Variants in TBC1D4 observed in about 807,000 individuals in gnomAD.
TBC1D4 encodes TBC1 domain family member 4, also known as TBC (Tre-2, BUB2, CDC16) domain-containing protein.
Under a neutral mutation model 142.5 loss-of-function variants are expected in TBC1D4, and 121 were observed. That is an observed-to-expected ratio of 0.85 (90% CI 0.73 to 0.99). The LOEUF (loss-of-function observed/expected upper bound fraction) is 0.99. Ranked by LOEUF, TBC1D4 falls within the 50% of genes least tolerant of loss-of-function variation. The pLI is 0.00. For synonymous variants in TBC1D4, 630 were observed against 628.2 expected, an observed-to-expected ratio of 1.00 and a Z score of -0.04; for missense variants, 1,475 against 1,606.6, an observed-to-expected ratio of 0.92 and a Z score of 1.40.
At chr13:75,356,377 G>A in intron 3 of TBC1D4, 126 bp from the exon 4 acceptor site, 1 of 740,570 alleles carries the variant, frequency 1.4e-6, no homozygotes, top group Non-Finnish European at 2.4e-6. Context: ...CAGCAATGAA[G>A]GGGGGACATA....
intron 1 of TBC1D4, among the ~76,000 whole-genome samples, chr13:75,480,786 C>A (rs1321675121): frequency 6.6e-6 from 1 of 152,196 alleles, no homozygotes; most frequent in African/African-American, 2.4e-5. Context: ...CCAGCCAAAC[C>A]GGTTAAGGAT....
intron 13 of TBC1D4, among the ~76,000 whole-genome samples, chr13:75,311,381 A>C (rs1192609039): frequency 1.3e-5 from 2 of 152,276 alleles, no homozygotes; most frequent in South Asian, 4.2e-4. Context: ...GGCAGAGTTA[A>C]CTTCATCTTT....
intron 1 of TBC1D4, among the ~76,000 whole-genome samples, chr13:75,408,354 C>T (rs1354638491): frequency 1.3e-5 from 2 of 152,102 alleles, no homozygotes; most frequent in South Asian, 2.1e-4. Context: ...CCATTCATCA[C>T]GGATGGACAT....
intron 1 of TBC1D4, among the ~76,000 whole-genome samples, chr13:75,477,270 C>A (rs9600477): frequency 0.45 from 67,769 of 151,894 alleles, 17,399 homozygotes; most frequent in South Asian, 0.66. Context: ...TGAAAAATGA[C>A]CTTCTAAAAA....
chr13:75,426,811 G>A (rs1467215448), intron 1 of TBC1D4, among the ~76,000 whole-genome samples: 1 of 152,018 alleles, frequency 6.6e-6, no homozygotes, highest in Non-Finnish European at 1.5e-5. Flanking sequence ...GGAGGCTGAG[G>A]CAGGTAGATT....
rs188614923 is a variant in TBC1D4 at position 75,287,896 on chromosome 13, G to A, written c.3664-871C>T. Among the ~76,000 whole-genome samples the A allele has an allele frequency of 1.0e-3, 157 of 152,096 alleles. 2 individuals are homozygous for A. The East Asian group carries it at 0.011, about 11-fold the overall frequency. ...TGGAGAGGAGGAGTAAGTGGAAACC[G>A]AGGAGCCATTAGACACTGAAACTCC... On this transcript the variant is annotated intron_variant, in intron 20 of 20. Coordinates refer to ENST00000377636, the MANE Select transcript of TBC1D4 (RefSeq NM_014832.5).
chr13:75,439,720 T>C (rs781484848), intron 1 of TBC1D4, among the ~76,000 whole-genome samples: 1 of 151,946 alleles, frequency 6.6e-6, no homozygotes. Flanking sequence ...GTCTGGACAG[T>C]GAAACCCCGT....
rs1179536300 is a variant in TBC1D4 at position 75,481,659 on chromosome 13, G to C, written c.109C>G (p.Arg37Gly). 1 of 1,602,528 alleles carries C rather than the reference G, an allele frequency of 6.2e-7. No homozygotes were observed. Among genetic ancestry groups the C allele is most frequent in the Non-Finnish European group, 8.5e-7 (1 of 1,174,812 alleles). The change falls in exon 1 of 21, where the codon CGG (arginine) becomes GGG (glycine). Residue 37 changes from arginine (R) to glycine (G), a missense_variant. Around this residue, in one of 2 missense-constraint regions of TBC1D4, gnomAD observed 1,227 missense variants for 1,267.7 expected, o/e 0.97. Transcript: ENST00000377636. ...CACGACCCCCCAACGTACCACAGCCGGAACCGCTTATCGCTTGGCTTCCCG... is the reference window on the plus strand; with the variant it reads ...CACGACCCCCCAACGTACCACAGCCCGAACCGCTTATCGCTTGGCTTCCCG... ...GPGKPSDKRF[R>G]LWYVGGSCLD...
chr13:75,307,916 T>G (rs1877345309), intron 14 of TBC1D4, among the ~76,000 whole-genome samples: 1 of 152,186 alleles, frequency 6.6e-6, no homozygotes, highest in African/African-American at 2.4e-5. Context: ...ACAAATATAC[T>G]CCTATATATA....
chr13:75,466,164 A>G (rs1262718235), intron 1 of TBC1D4, among the ~76,000 whole-genome samples: 1 of 152,210 alleles, frequency 6.6e-6, no homozygotes, highest in Non-Finnish European at 1.5e-5. Context: ...TCTTTTCATC[A>G]ACACCTATTC....
intron 5 of TBC1D4, among the ~76,000 whole-genome samples, chr13:75,348,004 G>A (rs532817748): frequency 1.3e-5 from 2 of 152,150 alleles, no homozygotes; most frequent in Admixed American, 1.3e-4. Context: ...AGCTGGGTGT[G>A]GTGGCACACA....
chr13:75,306,453 T>C lies in TBC1D4; in HGVS notation c.2612A>G (p.Gln871Arg), dbSNP rs1877197561. The C allele has an allele frequency of 6.8e-6, 11 of 1,613,218 alleles. No homozygotes were observed. Among genetic ancestry groups the C allele is most frequent in the Non-Finnish European group, 7.6e-6 (9 of 1,179,868 alleles). Residue 871 changes from glutamine to arginine, a missense_variant, in exon 15 of 21, where the codon CAG becomes CGG. Gln to Arg is a conservative substitution (Grantham distance 43). Transcript: ENST00000377636. ...ATAGTCTAATTTAACTTTTCTGGAC[T>C]GGAGTTCATCTCTGCTTGCTAAGGA... ...QKLEASRDEL[Q>R]SRKVKLDYEE...
intron 1 of TBC1D4, among the ~76,000 whole-genome samples, chr13:75,391,994 T>C (rs1397768428): frequency 6.6e-6 from 1 of 152,206 alleles, no homozygotes; most frequent in Non-Finnish European, 1.5e-5. Context: ...TCATCATTTC[T>C]TTTTCTCAGT....
intron 1 of TBC1D4, among the ~76,000 whole-genome samples, chr13:75,429,864 C>T (rs944387413): frequency 6.6e-6 from 1 of 152,142 alleles, no homozygotes; most frequent in Non-Finnish European, 1.5e-5. Context: ...ATAGGACTTT[C>T]AGAGCATAGA....
chr13:75,461,933 C>A (rs1205833217), intron 1 of TBC1D4, among the ~76,000 whole-genome samples: 1 of 152,188 alleles, frequency 6.6e-6, no homozygotes, highest in East Asian at 1.9e-4. Flanking sequence ...AGGCTACTAC[C>A]AGTGTTTATC....
intron 11 of TBC1D4, among the ~76,000 whole-genome samples, chr13:75,320,284 A>G (rs1878645109): frequency 6.6e-6 from 1 of 152,220 alleles, no homozygotes; most frequent in Non-Finnish European, 1.5e-5. Flanking sequence ...TTATCAGTGA[A>G]TAGAAGTAGT....
At chr13:75,299,712 G>C in intron 16 of TBC1D4, 138 bp from the exon 17 acceptor site, 1 of 1,026,362 alleles carries the variant, frequency 9.7e-7, no homozygotes, top group Non-Finnish European at 1.4e-6. Context: ...GAGTCACCAT[G>C]TAACTAAGAG....
intron 1 of TBC1D4, among the ~76,000 whole-genome samples, chr13:75,365,670 T>C (rs1382702132): frequency 6.6e-6 from 1 of 152,226 alleles, no homozygotes; most frequent in Non-Finnish European, 1.5e-5. Flanking sequence ...TTGAACGAAT[T>C]TGAATCCTTC....
intron 9 of TBC1D4, 54 bp from the exon 10 acceptor site, chr13:75,326,477 C>T: frequency 6.3e-7 from 1 of 1,578,692 alleles, no homozygotes; most frequent in Non-Finnish European, 8.7e-7. Flanking sequence ...CATGGCAGAC[C>T]TGCCAAAACA....
Sources: gnomAD v4.1 joint callset for allele counts (sites outside exome capture counted in the v4.1 genomes callset) on GRCh38, gnomAD v4.1.1 for gene constraint, gnomAD v4.1.1 regional missense constraint, MANE v1.5 for transcripts, NCBI Gene and HGNC (gene_info 2026-07-23, HGNC 2026-07-21) for gene names.